Variants in PCDHGA8 observed in about 807,000 individuals in gnomAD.
The protein encoded by PCDHGA8 is protocadherin gamma subfamily A, 8, also known as protocadherin gamma-A8.
PCDHGA8 carries 45 observed loss-of-function variants against 59.2 expected under a neutral mutation model. The ratio of observed to expected loss-of-function variants is 0.76; its 90% CI spans 0.60 to 0.98. The LOEUF (loss-of-function observed/expected upper bound fraction) is 0.98, where lower values mean the gene tolerates loss of function less well. Among genes scored for constraint, PCDHGA8 ranks in the 50% least tolerant of loss-of-function variants. PCDHGA8 has a pLI of 0.00. For missense variants in PCDHGA8, 1,257 were observed against 1,196.2 expected (o/e 1.05, Z -0.75); for synonymous variants, 531 against 519.0 (o/e 1.02, Z -0.32).
intron 1 of PCDHGA8, chr5:141,430,537 A>T (rs1270804825): frequency 7.8e-6 from 3 of 385,890 alleles, no homozygotes; most frequent in African/African-American, 2.1e-5. Flanking sequence ...TAGGACTCTG[A>T]GCGCCGCTGT....
intron 1 of PCDHGA8, chr5:141,419,926 G>C (rs1371764532): frequency 7.4e-6 from 12 of 1,613,978 alleles, no homozygotes; most frequent in Non-Finnish European, 8.5e-6. Flanking sequence ...CTGAGATGCA[G>C]TTTTACCTGG....
At chr5:141,441,849 G>A (rs1192040398) in intron 1 of PCDHGA8, 2 of 345,448 alleles carry the variant, frequency 5.8e-6, no homozygotes, top group Non-Finnish European at 1.1e-5. Context: ...TCTTGGATAT[G>A]GTGCTGCACG....
intron 1 of PCDHGA8, among the ~76,000 whole-genome samples, chr5:141,429,720 A>G (rs571388976): frequency 6.6e-6 from 1 of 152,340 alleles, no homozygotes; most frequent in South Asian, 2.1e-4. Context: ...TACGCTCATG[A>G]AAGTACGTAG....
chr5:141,410,714 T>C (rs1561730445), intron 1 of PCDHGA8: 7 of 1,434,512 alleles, frequency 4.9e-6, no homozygotes, highest in Middle Eastern at 1.8e-4. Flanking sequence ...TAGAATCATA[T>C]GTTTAAAATC....
At chr5:141,402,272 G>A (rs934353221) in intron 1 of PCDHGA8, among the ~76,000 whole-genome samples, 7 of 151,874 alleles carry the variant, frequency 4.6e-5, no homozygotes, top group African/African-American at 1.2e-4. Context: ...TAATTTCAAA[G>A]TGGATAATCT....
chr5:141,480,730 G>A (rs1261461187), intron 1 of PCDHGA8, among the ~76,000 whole-genome samples: 1 of 152,168 alleles, frequency 6.6e-6, no homozygotes, highest in East Asian at 1.9e-4. Flanking sequence ...GTCTCTGGGG[G>A]TGGGACATAG....
rs764692908 is a variant in PCDHGA8 at position 141,431,246 on chromosome 5, G to C, written c.2424+36009G>C. On this transcript the variant is annotated intron_variant, in intron 1 of 3. Coordinates refer to ENST00000398604, the MANE Select transcript of PCDHGA8 (RefSeq NM_032088.2). The surrounding 1 kb of genome is among the most constrained non-coding windows in gnomAD (Gnocchi z 4.8). ...ACCCCACGCCTGGGATCCGGATATC[G>C]GGAAGAACTCTCTGCAGAGCTACGA... 9 of 1,613,982 alleles carry C rather than the reference G, an allele frequency of 5.6e-6. No individual in the cohort carries two copies. Among genetic ancestry groups the C allele is most frequent in the Non-Finnish European group, 7.6e-6 (9 of 1,180,050 alleles).
intron 1 of PCDHGA8, among the ~76,000 whole-genome samples, chr5:141,463,541 C>T (rs1423301726): frequency 2.7e-5 from 4 of 150,402 alleles, no homozygotes; most frequent in East Asian, 2.0e-4. Flanking sequence ...CTCCGGCTCC[C>T]GGGTTCATGC....
At chr5:141,510,580 G>A (rs947369646) in intron 3 of PCDHGA8, among the ~76,000 whole-genome samples, 7 of 152,248 alleles carry the variant, frequency 4.6e-5, no homozygotes, top group South Asian at 2.1e-4. Flanking sequence ...ACTATTTTAC[G>A]TACCTGACAT....
At chr5:141,481,913 CAAA>C (rs34114744) in intron 1 of PCDHGA8, among the ~76,000 whole-genome samples, 50 of 90,788 alleles carry the variant, frequency 5.5e-4, no homozygotes, top group African/African-American at 7.1e-4. Flanking sequence ...AACTCCATCT[CAAA>C]AAAAAAAAAA....
At chr5:141,509,015 C>G (rs1370464396) in intron 3 of PCDHGA8, among the ~76,000 whole-genome samples, 2 of 152,098 alleles carry the variant, frequency 1.3e-5, no homozygotes, top group African/African-American at 4.8e-5. Context: ...AAGTGGGCAG[C>G]TGCTCCCTCC....
At chr5:141,427,880 C>G in intron 1 of PCDHGA8, 5 of 1,563,170 alleles carry the variant, frequency 3.2e-6, no homozygotes, top group Non-Finnish European at 3.5e-6. Context: ...CGATGCAGGC[C>G]CACGACCAGG....
rs778052844 is a variant in PCDHGA8, at chr5:141,486,259, T to C, written c.2425-8548T>C. ...CAGAGCTTGGAACCCTCCCCGAGAG[T>C]GCAGAACCTGGCACTGTGGTGGCAC... is the stretch of plus-strand genomic sequence containing the variant. On this transcript the variant is annotated intron_variant, in intron 1 of 3. Coordinates refer to ENST00000398604, the MANE Select transcript of PCDHGA8 (RefSeq NM_032088.2). This position sits in a 1 kb window ranked among gnomAD's most constrained non-coding sequence, Gnocchi z 5.0. 1 of 1,613,204 alleles carries C rather than the reference T, an allele frequency of 6.2e-7. No individual in the cohort carries two copies. The highest frequency in any genetic ancestry group is 8.5e-7 in the Non-Finnish European group (1 of 1,179,716).
rs183549806 is a variant in PCDHGA8 at position 141,487,760 on chromosome 5, G to A, written c.2425-7047G>A. ...TGTAAGAGGTAACTATGTGGTAGAC[G>A]CTGTGCTTTGTAACTGTTTCGTGAA... On this transcript the variant is annotated intron_variant, in intron 1 of 3. Transcript: ENST00000398604. The surrounding 1 kb of genome is among the most constrained non-coding windows in gnomAD (Gnocchi z 5.0). 42 of 1,545,950 alleles carry A rather than the reference G, an allele frequency of 2.7e-5. No homozygotes were observed. The African/African-American group carries it at 3.8e-4, about 14-fold the overall frequency.
In PCDHGA8 at chr5:141,511,502, A is replaced by G. The variant is rs953158220; in HGVS notation, c.*329A>G. ...CTGAACTCCTCCATCTTCCAAATCAATCAGGCCCATCCATCCCATGCCTCC... is the reference window on the plus strand; with the variant it reads ...CTGAACTCCTCCATCTTCCAAATCAGTCAGGCCCATCCATCCCATGCCTCC... On this transcript the variant is annotated 3_prime_UTR_variant, in exon 4 of 4. Transcript: ENST00000398604. The G allele has an allele frequency of 1.3e-5, 5 of 395,150 alleles. No homozygotes were observed. Among genetic ancestry groups the G allele is most frequent in the African/African-American group, 1.0e-4 (5 of 48,770 alleles). The allele number at this position is 395,150 out of a possible 1,614,324, so 24.5% of individuals were successfully genotyped here.
Position 141,392,916 on chromosome 5 carries a change from G to A in PCDHGA8, c.103G>A (p.Val35Met). The change falls in exon 1 of 4, where the codon GTG (valine) becomes ATG (methionine). Residue 35 changes from valine (V) to methionine (M), a missense_variant. By Grantham distance (21) the Val-to-Met change is conservative. Coordinates refer to ENST00000398604, the MANE Select transcript of PCDHGA8 (RefSeq NM_032088.2). ...CGGGAGGGGACAGATTCGCTACTCTGTGCCAGAAGAGACGGACAAAGGCTC... is the reference window on the plus strand; with the variant it reads ...CGGGAGGGGACAGATTCGCTACTCTATGCCAGAAGAGACGGACAAAGGCTC... ...EIGRGQIRYS[V>M]PEETDKGSFV... 1 of 1,613,936 alleles carries A rather than the reference G, an allele frequency of 6.2e-7. No homozygotes were observed. Among genetic ancestry groups the A allele is most frequent in the Non-Finnish European group, 8.5e-7 (1 of 1,179,900 alleles).
chr5:141,489,915 C>T lies in PCDHGA8; in HGVS notation c.2425-4892C>T, dbSNP rs971312502. On this transcript the variant is annotated intron_variant, in intron 1 of 3. Coordinates refer to ENST00000398604, the MANE Select transcript of PCDHGA8 (RefSeq NM_032088.2). This position sits in a 1 kb window ranked among gnomAD's most constrained non-coding sequence, Gnocchi z 4.5. ...GGGGGACCCCAGCCCGCTCAGGGAC[C>T]ACCCTTATCTCTGTCATCGTGCTGG... The T allele has an allele frequency of 6.2e-7, 1 of 1,614,242 alleles. No individual in the cohort carries two copies. Among genetic ancestry groups the T allele is most frequent in the Non-Finnish European group, 8.5e-7 (1 of 1,180,044 alleles).
chr5:141,505,803 C>T (rs920849273), intron 3 of PCDHGA8, among the ~76,000 whole-genome samples: 29 of 152,116 alleles, frequency 1.9e-4, no homozygotes, highest in African/African-American at 6.5e-4. Flanking sequence ...GGACTTGGAT[C>T]GACTTGCTCA....
intron 3 of PCDHGA8, among the ~76,000 whole-genome samples, chr5:141,509,336 GC>G (rs2099876304): frequency 6.6e-6 from 1 of 152,178 alleles, no homozygotes; most frequent in Non-Finnish European, 1.5e-5. Context: ...TGCCAGCTGG[GC>G]CTGGGCTGGC....
Sources: gnomAD v4.1 joint callset for allele counts (sites outside exome capture counted in the v4.1 genomes callset) on GRCh38, gnomAD v4.1.1 for gene constraint, Gnocchi (gnomAD v3.1) non-coding constraint, MANE v1.5 for transcripts, NCBI Gene and HGNC (gene_info 2026-07-23, HGNC 2026-07-21) for gene names.